Variants in HPSE2 observed in about 807,000 individuals in gnomAD.
HPSE2 encodes heparanase 2 (inactive).
Under a neutral mutation model 60.5 loss-of-function variants are expected in HPSE2, and 38 were observed. The ratio of observed to expected loss-of-function variants is 0.63; its 90% CI spans 0.48 to 0.82. The LOEUF (loss-of-function observed/expected upper bound fraction) is 0.82. Among genes scored for constraint, HPSE2 ranks in the 40% least tolerant of loss-of-function variants. The probability of loss-of-function intolerance (pLI) is 0.00; values close to 1 mark genes in which losing one functional copy is unlikely to be tolerated. For synonymous variants in HPSE2, 295 were observed against 293.2 expected (o/e 1.01, Z -0.06); for missense variants, 713 against 740.4 (o/e 0.96, Z 0.43).
chr10:99,278,369 G>T, the HPSE2 span, among the ~76,000 whole-genome samples: 1 of 151,998 alleles, frequency 6.6e-6, no homozygotes, highest in Non-Finnish European at 1.5e-5. Context: ...CTATCACCAG[G>T]GTCTCAAATT....
the HPSE2 span, among the ~76,000 whole-genome samples, chr10:99,305,083 A>C: frequency 4.6e-5 from 7 of 152,244 alleles, no homozygotes; most frequent in Non-Finnish European, 1.0e-4. Flanking sequence ...ATATGGGCAC[A>C]GCTAGAGGCT....
At chr10:98,690,678 G>T (rs979629281) in intron 6 of HPSE2, among the ~76,000 whole-genome samples, 3 of 148,502 alleles carry the variant, frequency 2.0e-5, no homozygotes, top group Non-Finnish European at 3.0e-5. Context: ...TAAGCCAGTG[G>T]TTTTTTTTTT....
At chr10:99,303,469 T>G in the HPSE2 span, among the ~76,000 whole-genome samples, 1 of 152,178 alleles carries the variant, frequency 6.6e-6, no homozygotes, top group Non-Finnish European at 1.5e-5. Flanking sequence ...TTAACCTCCC[T>G]GTTCGACCAG....
At chr10:98,766,148 C>T (rs1950114556) in intron 3 of HPSE2, among the ~76,000 whole-genome samples, 2 of 151,974 alleles carry the variant, frequency 1.3e-5, no homozygotes, top group South Asian at 4.2e-4. Context: ...TATGAACTAT[C>T]CACTATCCAT....
intron 5 of HPSE2, among the ~76,000 whole-genome samples, chr10:98,713,624 G>A (rs574679995): frequency 5.3e-5 from 8 of 152,070 alleles, no homozygotes; most frequent in African/African-American, 1.9e-4. Flanking sequence ...TGGAGATTCC[G>A]AATGTAAACT....
At chr10:99,107,153 G>A (rs1248636449) in intron 3 of HPSE2, among the ~76,000 whole-genome samples, 1 of 152,128 alleles carries the variant, frequency 6.6e-6, no homozygotes, top group Non-Finnish European at 1.5e-5. Flanking sequence ...TTACAGGTGT[G>A]AGCCACCACA....
chr10:98,940,805 C>T (rs1157289366), intron 3 of HPSE2, among the ~76,000 whole-genome samples: 1 of 141,600 alleles, frequency 7.1e-6, no homozygotes, highest in Non-Finnish European at 1.5e-5. Flanking sequence ...AACCAATATC[C>T]TTGATGAACA....
chr10:98,468,184 C>T (rs35613372), intron 11 of HPSE2, among the ~76,000 whole-genome samples: 1,855 of 152,358 alleles, frequency 0.012, 12 homozygotes, highest in Non-Finnish European at 0.02. Flanking sequence ...CTTCCCTTTC[C>T]TGCTCGGTGG....
At chr10:98,781,541 A>T (rs1565159096) in intron 3 of HPSE2, among the ~76,000 whole-genome samples, 1 of 152,256 alleles carries the variant, frequency 6.6e-6, no homozygotes, top group Non-Finnish European at 1.5e-5. Flanking sequence ...CTAAATAGAA[A>T]AATTGGCAAA....
intron 3 of HPSE2, among the ~76,000 whole-genome samples, chr10:99,125,664 A>G (rs1211245649): frequency 6.6e-6 from 1 of 152,244 alleles, no homozygotes; most frequent in Non-Finnish European, 1.5e-5. Flanking sequence ...GAGAGGGGGA[A>G]AACATGCCTC....
chr10:98,490,903 C>T (rs180723087), intron 9 of HPSE2, among the ~76,000 whole-genome samples: 4 of 152,332 alleles, frequency 2.6e-5, no homozygotes, highest in African/African-American at 7.2e-5. Flanking sequence ...TTTATATGAG[C>T]TTACAAAAAC....
At chr10:99,040,148 T>C (rs1400450105) in intron 3 of HPSE2, among the ~76,000 whole-genome samples, 2 of 152,192 alleles carry the variant, frequency 1.3e-5, no homozygotes, top group African/African-American at 4.8e-5. Context: ...ATTCTTCAAA[T>C]TGCATTTCTC....
intron 3 of HPSE2, among the ~76,000 whole-genome samples, chr10:99,141,581 C>G (rs1031613894): frequency 1.3e-5 from 2 of 152,138 alleles, no homozygotes; most frequent in Non-Finnish European, 2.9e-5. Flanking sequence ...TTTATTATTT[C>G]CATTAACTGG....
At chr10:99,017,086 A>G (rs1361571833) in intron 3 of HPSE2, among the ~76,000 whole-genome samples, 2 of 151,976 alleles carry the variant, frequency 1.3e-5, no homozygotes, top group African/African-American at 4.8e-5. Flanking sequence ...GTGGTGAGAG[A>G]GACTATCCTG....
At chr10:99,053,463 A>G (rs1365492132) in intron 3 of HPSE2, among the ~76,000 whole-genome samples, 2 of 152,114 alleles carry the variant, frequency 1.3e-5, no homozygotes, top group Non-Finnish European at 2.9e-5. Context: ...TAAAAAACAG[A>G]AGAAAAACAA....
At chr10:98,795,660 T>G (rs1204230783) in intron 3 of HPSE2, among the ~76,000 whole-genome samples, 1 of 152,184 alleles carries the variant, frequency 6.6e-6, no homozygotes, top group Non-Finnish European at 1.5e-5. Context: ...GCCAGTAGAC[T>G]CAGGTGACAT....
chr10:98,743,426 T>C (rs1392243871), intron 4 of HPSE2, among the ~76,000 whole-genome samples: 4 of 152,220 alleles, frequency 2.6e-5, no homozygotes, highest in Non-Finnish European at 4.4e-5. Context: ...TATATACTAA[T>C]GTGCACTGTG....
intron 3 of HPSE2, among the ~76,000 whole-genome samples, chr10:98,810,764 A>AAAAAT (rs1565180178): frequency 6.6e-6 from 1 of 151,776 alleles, no homozygotes; most frequent in African/African-American, 2.4e-5. Context: ...AACTAAAAAA[A>AAAAAT]AAAAATAAAA....
intron 9 of HPSE2, among the ~76,000 whole-genome samples, chr10:98,524,969 C>T (rs1476190795): frequency 6.6e-6 from 1 of 152,198 alleles, no homozygotes; most frequent in African/African-American, 2.4e-5. Context: ...AGGAGAGAGA[C>T]TGGAAGAAAA....
Sources: allele counts gnomAD v4.1 joint callset (sites outside exome capture counted in the v4.1 genomes callset), GRCh38; gene constraint gnomAD v4.1.1; transcripts MANE v1.5; gene names NCBI Gene and HGNC (gene_info 2026-07-23, HGNC 2026-07-21).